VPS13B: variants seen among roughly 807,000 people sequenced by gnomAD.
The protein encoded by VPS13B is vacuolar protein sorting 13 homolog B.
Under a neutral mutation model 426.4 loss-of-function variants are expected in VPS13B, and 285 were observed. The ratio of observed to expected loss-of-function variants is 0.67; its 90% confidence interval spans 0.61 to 0.74. The LOEUF (loss-of-function observed/expected upper bound fraction) is 0.74, where lower values mean the gene tolerates loss of function less well. VPS13B is among the 30% of genes least tolerant of loss of function. The probability of loss-of-function intolerance (pLI) is 0.00; values close to 1 mark genes in which losing one functional copy is unlikely to be tolerated. For missense variants in VPS13B, 4,537 were observed against 4,782.6 expected, an observed-to-expected ratio of 0.95 and a Z score of 1.51; for synonymous variants, 1,676 against 1,676.4, an observed-to-expected ratio of 1.00 and a Z score of 0.01.
intron 19 of VPS13B, among the ~76,000 whole-genome samples, chr8:99,297,018 A>C (rs1049517179): frequency 6.6e-6 from 1 of 152,060 alleles, no homozygotes; most frequent in African/African-American, 2.4e-5. Flanking sequence ...ATATATATAT[A>C]TATGAGGGGG....
chr8:99,303,483 T>G (rs1438814471), intron 19 of VPS13B, among the ~76,000 whole-genome samples: 1 of 151,528 alleles, frequency 6.6e-6, no homozygotes, highest in African/African-American at 2.4e-5. Flanking sequence ...GTTTTAAATC[T>G]TTTAAAGTCT....
chr8:99,023,783 C>A (rs1339853341), intron 2 of VPS13B, among the ~76,000 whole-genome samples: 1 of 152,126 alleles, frequency 6.6e-6, no homozygotes, highest in Non-Finnish European at 1.5e-5. Context: ...CCAGCTTATA[C>A]CACATTTTCT....
rs1297994133 is a variant in VPS13B at position 99,877,246 on chromosome 8, G to A, written c.*1580G>A. ...AAAGCAAGACTTAACGAACAATTCT[G>A]ACTATGAAAAATGTCTCTTTCAGTT... On this transcript the variant is annotated 3_prime_UTR_variant, in exon 62 of 62. Coordinates refer to ENST00000357162, the MANE Select transcript of VPS13B (RefSeq NM_152564.5). 6.6e-6 allele frequency: 1 copy of A among 152,526 alleles called. No homozygotes were observed. Among genetic ancestry groups the A allele is most frequent in the Non-Finnish European group, 1.5e-5 (1 of 68,030 alleles). The allele number at this position is 152,526 out of a possible 1,614,324, so 9.4% of individuals were successfully genotyped here. A position where few individuals can be genotyped will look rare whatever the true frequency, so the allele number is the denominator to read the frequency against.
At chr8:99,176,726 G>T (rs940363767) in intron 16 of VPS13B, among the ~76,000 whole-genome samples, 1 of 152,124 alleles carries the variant, frequency 6.6e-6, no homozygotes, top group South Asian at 2.1e-4. Context: ...ATTTTGTATT[G>T]AAAATGCAGC....
At chr8:99,423,836 G>A (rs1386683739) in intron 21 of VPS13B, among the ~76,000 whole-genome samples, 1 of 152,092 alleles carries the variant, frequency 6.6e-6, no homozygotes, top group African/African-American at 2.4e-5. Flanking sequence ...CCAACTATGT[G>A]GTCAGTTTTG....
intron 4 of VPS13B, among the ~76,000 whole-genome samples, chr8:99,098,187 T>G (rs1846528797): frequency 6.6e-6 from 1 of 152,200 alleles, no homozygotes; most frequent in African/African-American, 2.4e-5. Flanking sequence ...CTATTTACTT[T>G]TTAAGAGCCC....
intron 19 of VPS13B, among the ~76,000 whole-genome samples, chr8:99,306,685 T>G (rs1317796077): frequency 6.6e-6 from 1 of 152,106 alleles, no homozygotes; most frequent in Non-Finnish European, 1.5e-5. Context: ...GGCTTACACC[T>G]ACACAGTATA....
intron 33 of VPS13B, among the ~76,000 whole-genome samples, chr8:99,610,554 G>A (rs749332383): frequency 8.6e-5 from 13 of 151,806 alleles, no homozygotes; most frequent in Non-Finnish European, 1.6e-4. Context: ...ACATGGACTC[G>A]GGGAGGGGAA....
intron 30 of VPS13B, among the ~76,000 whole-genome samples, chr8:99,555,600 A>G (rs1030741518): frequency 3.3e-5 from 5 of 152,150 alleles, no homozygotes; most frequent in Admixed American, 6.5e-5. Flanking sequence ...AAAACTTAAC[A>G]TAAGAAAAAA....
intron 22 of VPS13B, among the ~76,000 whole-genome samples, chr8:99,433,320 A>C (rs544342244): frequency 1.3e-5 from 2 of 152,210 alleles, no homozygotes; most frequent in Non-Finnish European, 2.9e-5. Context: ...AGGGCTTACC[A>C]GCACACCCAT....
chr8:99,604,609 C>T (rs112006871), intron 33 of VPS13B, among the ~76,000 whole-genome samples: 6,271 of 150,914 alleles, frequency 0.042, 141 homozygotes, highest in East Asian at 0.061. Context: ...ACGCCATTCT[C>T]CTGCCTCAGC....
intron 19 of VPS13B, among the ~76,000 whole-genome samples, chr8:99,299,682 C>T (rs970564321): frequency 2.6e-5 from 4 of 151,588 alleles, no homozygotes; most frequent in Admixed American, 6.6e-5. Context: ...GAGTCTGAGG[C>T]GGGCAGATCA....
intron 17 of VPS13B, among the ~76,000 whole-genome samples, chr8:99,219,761 C>A (rs973199248): frequency 6.6e-6 from 1 of 152,190 alleles, no homozygotes; most frequent in African/African-American, 2.4e-5. Flanking sequence ...TCTTAAAAAT[C>A]CCACCTTCCA....
intron 39 of VPS13B, among the ~76,000 whole-genome samples, chr8:99,729,421 G>T (rs536784599): frequency 6.6e-6 from 1 of 152,112 alleles, no homozygotes; most frequent in Non-Finnish European, 1.5e-5. Context: ...AAATCCTGTC[G>T]CTGTCTTCCC....
intron 36 of VPS13B, among the ~76,000 whole-genome samples, chr8:99,708,911 A>G (rs1194361658): frequency 6.6e-6 from 1 of 151,824 alleles, no homozygotes; most frequent in Non-Finnish European, 1.5e-5. Context: ...ACAGAATTAA[A>G]TATAATTAAA....
At chr8:99,507,714 T>C in intron 28 of VPS13B, 3 of 1,612,738 alleles carry the variant, frequency 1.9e-6, no homozygotes, top group Non-Finnish European at 2.5e-6. Context: ...TTTTTGCTTA[T>C]GGCTTTTATT....
intron 33 of VPS13B, among the ~76,000 whole-genome samples, chr8:99,592,016 A>G (rs1826706448): frequency 6.6e-6 from 1 of 152,098 alleles, no homozygotes; most frequent in Non-Finnish European, 1.5e-5. Context: ...CTTTTCACGT[A>G]GTCCCATATT....
chr8:99,356,008 C>A (rs192153689), intron 19 of VPS13B, among the ~76,000 whole-genome samples: 5 of 152,146 alleles, frequency 3.3e-5, no homozygotes, highest in Admixed American at 2.6e-4. Context: ...GGGGTGCTAC[C>A]CACGTCATAT....
chr8:99,559,819 A>G (rs1012154466), intron 31 of VPS13B, among the ~76,000 whole-genome samples: 1 of 152,092 alleles, frequency 6.6e-6, no homozygotes, highest in Non-Finnish European at 1.5e-5. Context: ...GCCGTGTAGT[A>G]TAGTTTGAAG....
Sources: gnomAD v4.1 joint callset for allele counts (sites outside exome capture counted in the v4.1 genomes callset) on GRCh38, gnomAD v4.1.1 for gene constraint, MANE v1.5 for transcripts, NCBI Gene and HGNC (gene_info 2026-07-23, HGNC 2026-07-21) for gene names.